The following TRIM49B variants were observed in gnomAD, a reference collection of about 807,000 sequenced individuals.
The protein encoded by TRIM49B is putative tripartite motif-containing protein 49B.
In TRIM49B, 18 loss-of-function variants were observed where a neutral mutation model predicts 31.8. That is an observed-to-expected ratio of 0.57 (90% CI 0.39 to 0.84). The LOEUF (loss-of-function observed/expected upper bound fraction) is 0.84, where lower values mean the gene tolerates loss of function less well. Among genes scored for constraint, TRIM49B ranks in the 40% least tolerant of loss-of-function variants. The pLI, the probability that TRIM49B is intolerant of heterozygous loss-of-function variation, is 0.00. For missense variants in TRIM49B, 494 were observed against 538.7 expected (o/e 0.92, Z 0.82); for synonymous variants, 196 against 180.6 (o/e 1.09, Z -0.68).
At position 49,031,900 on chromosome 11, in the gene TRIM49B, A is replaced by G. The variant is rs899209375; in HGVS notation, c.301A>G (p.Lys101Glu). 1 of 1,612,918 alleles carries G rather than the reference A, an allele frequency of 6.2e-7. No homozygotes were observed. The highest frequency in any genetic ancestry group is 1.7e-5 in the Admixed American group (1 of 60,024). The part of the protein sequence containing the change: ...QMCGTHRETK[K>E]MFCEVDRSLL... ...GTGTGGCACTCACAGGGAGACAAAG[A>G]AGATGTTCTGTGAAGTGGACAGGAG... The change falls in exon 2 of 7, where the codon AAG becomes GAG. Residue 101 changes from lysine to glutamate, a missense_variant. Coordinates refer to ENST00000332682, the MANE Select transcript of TRIM49B (RefSeq NM_001206626.2).
chr11:49,032,805 T>C (rs536255245), intron 3 of TRIM49B, among the ~76,000 whole-genome samples: 2 of 152,026 alleles, frequency 1.3e-5, no homozygotes, highest in Non-Finnish European at 2.9e-5. Context: ...GTATGGAAAA[T>C]TTGAGGCAGA....
intron 3 of TRIM49B, 143 bp downstream of exon 3, chr11:49,032,514 G>A: frequency 6.7e-7 from 1 of 1,482,834 alleles, no homozygotes; most frequent in South Asian, 1.4e-5. Context: ...AAAACATTGA[G>A]AAAAAGTGGC....
chr11:49,031,162 C>A (rs186765033), intron 1 of TRIM49B, among the ~76,000 whole-genome samples: 4,818 of 151,842 alleles, frequency 0.032, 248 homozygotes, highest in African/African-American at 0.11. Context: ...TGTCATAGAA[C>A]CATCTTCTCA....
At chr11:49,032,893 C>T (rs1367456704) in intron 3 of TRIM49B, among the ~76,000 whole-genome samples, 2 of 151,958 alleles carry the variant, frequency 1.3e-5, no homozygotes, top group Non-Finnish European at 2.9e-5. Context: ...ACATAACATA[C>T]GATGAGAAAA....
At position 49,037,518 on chromosome 11, in the gene TRIM49B, C is replaced by T; in HGVS notation, c.900C>T (p.Ile300=). The T allele has an allele frequency of 6.2e-7, 1 of 1,614,102 alleles. No homozygotes were observed. The highest frequency in any genetic ancestry group is 8.5e-7 in the Non-Finnish European group (1 of 1,180,026). The change falls in exon 7 of 7, where the codon ATC becomes ATT. Residue 300 remains isoleucine (I), a synonymous_variant. Transcript: ENST00000332682. ...ATCATGAAGAAGCCAACAGTGATATCTTTCTATGTGAAATTTTGAGAAGCA... is the reference window on the plus strand; with the variant it reads ...ATCATGAAGAAGCCAACAGTGATATTTTTCTATGTGAAATTTTGAGAAGCA... ...TLHHEEANSD[I]FLCEILRSMC... is the part of the protein sequence containing the mutation.
At chr11:49,033,606 G>A (rs1203001293) in intron 3 of TRIM49B, among the ~76,000 whole-genome samples, 3 of 152,168 alleles carry the variant, frequency 2.0e-5, no homozygotes, top group African/African-American at 4.8e-5. Flanking sequence ...AGAAGTCTAT[G>A]TTTCAGATTG....
rs561570086 is a variant in TRIM49B, at chr11:49,034,362, G to A, written c.724G>A (p.Val242Met). 1.9e-6 allele frequency: 3 copies of A among 1,611,978 alleles called. No individual in the cohort carries two copies. The highest frequency in any genetic ancestry group is 1.3e-5 in the African/African-American group (1 of 74,982). Reference sequence around the variant, plus strand: ...GAACGAAATGTGCCATAAACCAGATGTGGAGCTACTTCAGGTACAAACTCG... The same window carrying A: ...GAACGAAATGTGCCATAAACCAGATATGGAGCTACTTCAGGTACAAACTCG... Reference protein sequence around the residue: ...ELNEMCHKPDVELLQAFGDIL... With the variant: ...ELNEMCHKPDMELLQAFGDIL... Residue 242 changes from valine to methionine, a missense_variant, in exon 4 of 7, where the codon GTG (valine) becomes ATG (methionine). Val to Met is a conservative substitution (Grantham distance 21). Around this residue, in one of 3 missense-constraint regions of TRIM49B, gnomAD observed 233 missense variants for 281.4 expected, o/e 0.83. Coordinates refer to ENST00000332682, the MANE Select transcript of TRIM49B (RefSeq NM_001206626.2).
rs750054187 is a variant in TRIM49B, at chr11:49,031,886, A to G, written c.287A>G (p.His96Arg). 3 of 1,613,176 alleles carry G rather than the reference A, an allele frequency of 1.9e-6. No homozygotes were observed. Among genetic ancestry groups the G allele is most frequent in the Non-Finnish European group, 1.7e-6 (2 of 1,179,870 alleles). Residue 96 changes from histidine to arginine, a missense_variant, in exon 2 of 7, where the codon CAC becomes CGC. His to Arg is a conservative substitution (Grantham distance 29). Transcript: ENST00000332682. ...TCTGAGGAGCAAATGTGTGGCACTC[A>G]CAGGGAGACAAAGAAGATGTTCTGT... Reference protein sequence around the residue: ...LSSEEQMCGTHRETKKMFCEV... With the variant: ...LSSEEQMCGTRRETKKMFCEV...
In TRIM49B at chr11:49,032,329, C is replaced by T. The variant is rs1440370064; in HGVS notation, c.465C>T (p.His155=). 6.2e-7 allele frequency: 1 copy of T among 1,613,168 alleles called. No individual in the cohort carries two copies. Among genetic ancestry groups the T allele is most frequent in the Non-Finnish European group, 8.5e-7 (1 of 1,179,682 alleles). ...QSLWEKACEN[H]RNLNVETTRT... ...TGTGGGAAAAAGCTTGTGAAAATCA[C>T]AGAAACCTGAATGTGGAAACCACCA... Residue 155 remains histidine, a synonymous_variant, in exon 3 of 7, where the codon CAC becomes CAT. Transcript: ENST00000332682.
chr11:49,032,324 A>G lies in TRIM49B; in HGVS notation c.460A>G (p.Asn154Asp). The change falls in exon 3 of 7, where the codon AAT becomes GAT. Residue 154 changes from asparagine to aspartate, a missense_variant. Coordinates refer to ENST00000332682, the MANE Select transcript of TRIM49B (RefSeq NM_001206626.2). ...GTCTTTGTGGGAAAAAGCTTGTGAA[A>G]ATCACAGAAACCTGAATGTGGAAAC... ...MQSLWEKACE[N>D]HRNLNVETTR... 6.2e-7 allele frequency: 1 copy of G among 1,613,408 alleles called. No homozygotes were observed. The highest frequency in any genetic ancestry group is 8.5e-7 in the Non-Finnish European group (1 of 1,179,698).
intron 4 of TRIM49B, among the ~76,000 whole-genome samples, 182 bp downstream of exon 4, chr11:49,034,558 G>A (rs930010755): frequency 3.9e-5 from 6 of 152,072 alleles, no homozygotes; most frequent in South Asian, 4.2e-4. Flanking sequence ...CAGGCCAAAG[G>A]TCCCTCCTAC....
rs149370689 is a variant in TRIM49B, at chr11:49,033,080, G to T, written c.507+709G>T. Among the ~76,000 whole-genome samples, 611 of 152,208 alleles carry T rather than the reference G, an allele frequency of 4.0e-3. 6 individuals are homozygous for T. Among genetic ancestry groups the T allele is most frequent in the African/African-American group, 0.014 (588 of 41,504 alleles). On this transcript the variant is annotated intron_variant, in intron 3 of 6. Transcript: ENST00000332682. ...ATAGCTAATATTAGTTTGTTGAAAA[G>T]CATTTCATGAGAACCTAGTCTACGT...
intron 6 of TRIM49B, among the ~76,000 whole-genome samples, chr11:49,036,721 A>G (rs7118782): frequency 0.18 from 27,432 of 152,144 alleles, 2,859 homozygotes; most frequent in African/African-American, 0.28. Context: ...GTTAAATACA[A>G]AATTGTACAT....
chr11:49,034,102 T>C (rs752926304), intron 3 of TRIM49B, 44 bp from the exon 4 acceptor site: 1 of 1,610,536 alleles, frequency 6.2e-7, no homozygotes, highest in Non-Finnish European at 8.5e-7. Context: ...TAATAGGAGA[T>C]GGATATATAC....
intron 2 of TRIM49B, 54 bp from the exon 3 acceptor site, chr11:49,032,222 C>A (rs1854462465): frequency 1.9e-6 from 3 of 1,612,498 alleles, no homozygotes; most frequent in Non-Finnish European, 2.5e-6. Flanking sequence ...CATTCTGGGG[C>A]CCCTCCCTAT....
rs1346840364 is a variant in TRIM49B, at chr11:49,034,172, A to C, written c.534A>C (p.Ala178=). The C allele has an allele frequency of 6.2e-7, 1 of 1,611,952 alleles. No individual in the cohort carries two copies. ...ATTATGTGAATTTAAGGCTAGAAGCAATTAGAGCTGAGTATCAGAAGATGC... is the reference window on the plus strand; with the variant it reads ...ATTATGTGAATTTAAGGCTAGAAGCCATTAGAGCTGAGTATCAGAAGATGC... The part of the protein sequence containing the change: ...WKDYVNLRLE[A]IRAEYQKMPA... The change falls in exon 4 of 7, where the codon GCA becomes GCC. Residue 178 remains alanine (A), a synonymous_variant. Coordinates refer to ENST00000332682, the MANE Select transcript of TRIM49B (RefSeq NM_001206626.2).
In TRIM49B at chr11:49,038,143, G is replaced by A; in HGVS notation, c.*166G>A. On this transcript the variant is annotated 3_prime_UTR_variant, in exon 7 of 7. Coordinates refer to ENST00000332682, the MANE Select transcript of TRIM49B (RefSeq NM_001206626.2). ...TTATTGTGTTACTATTAAATATGCT[G>A]AAAACACTAAAAGTATATGTATTGG... 2.1e-6 allele frequency: 3 copies of A among 1,428,940 alleles called. No individual in the cohort carries two copies. The Middle Eastern group carries it at 7.9e-4, about 376-fold the overall frequency. The allele number at this position is 1,428,940 out of a possible 1,614,324, so 88.5% of individuals were successfully genotyped here. A position where few individuals can be genotyped will look rare whatever the true frequency, so the allele number is the denominator to read the frequency against.
intron 6 of TRIM49B, among the ~76,000 whole-genome samples, chr11:49,037,012 T>C (rs1854540043): frequency 6.6e-6 from 1 of 152,216 alleles, no homozygotes; most frequent in African/African-American, 2.4e-5. Context: ...GCAGAGAGAC[T>C]GGTCAAAGAT....
At position 49,031,941 on chromosome 11, in the gene TRIM49B, G is replaced by A. The variant is rs764514729; in HGVS notation, c.342G>A (p.Leu114=). The A allele has an allele frequency of 9.3e-6, 15 of 1,611,958 alleles. No homozygotes were observed. Among genetic ancestry groups the A allele is most frequent in the Admixed American group, 3.3e-5 (2 of 60,000 alleles). The change falls in exon 2 of 7, where the codon CTG becomes CTA. Residue 114 remains leucine (L), a synonymous_variant. Coordinates refer to ENST00000332682, the MANE Select transcript of TRIM49B (RefSeq NM_001206626.2). ...TGGACAGGAGCCTGCTCTGTTTGCT[G>A]TGCTCCAGCTCTCAGGAGCACCGGG... ...CEVDRSLLCL[L]CSSSQEHRDH...
Sources: gnomAD v4.1 joint callset for allele counts (sites outside exome capture counted in the v4.1 genomes callset) on GRCh38, gnomAD v4.1.1 for gene constraint, gnomAD v4.1.1 regional missense constraint, MANE v1.5 for transcripts, NCBI Gene and HGNC (gene_info 2026-07-23, HGNC 2026-07-21) for gene names.